The following CD96 variants were observed in gnomAD, a reference collection of about 807,000 sequenced individuals.
CD96 encodes T-cell surface protein tactile.
In CD96, 70 loss-of-function variants were observed where a neutral mutation model predicts 71.3. The observed-to-expected ratio is 0.98, with a 90% confidence interval of 0.81 to 1.20. The LOEUF is 1.20. CD96 is among the 50% of genes most tolerant of loss of function. CD96 has a pLI of 0.00. For synonymous variants in CD96, 248 were observed against 233.0 expected, an observed-to-expected ratio of 1.06 and a Z score of -0.59; for missense variants, 742 against 677.5, an observed-to-expected ratio of 1.10 and a Z score of -1.06.
At chr3:111,558,863 T>A (rs902450862) in intron 2 of CD96, among the ~76,000 whole-genome samples, 18 of 151,738 alleles carry the variant, frequency 1.2e-4, no homozygotes, top group African/African-American at 4.1e-4. Flanking sequence ...GGTAAACTAT[T>A]GACTATTGCC....
chr3:111,665,189 G>A (rs1318169886), intron 14 of CD96, among the ~76,000 whole-genome samples: 2 of 151,984 alleles, frequency 1.3e-5, no homozygotes, highest in Non-Finnish European at 2.9e-5. Flanking sequence ...GTGTGTGTGT[G>A]TGTGTATGTG....
chr3:111,659,033 A>G (rs1940295756), intron 14 of CD96, among the ~76,000 whole-genome samples: 1 of 152,170 alleles, frequency 6.6e-6, no homozygotes, highest in African/African-American at 2.4e-5. Context: ...TTTGCTTTGT[A>G]GGTTCTTTGT....
intron 2 of CD96, among the ~76,000 whole-genome samples, chr3:111,551,653 AT>A (rs1934711834): frequency 6.6e-6 from 1 of 152,102 alleles, no homozygotes; most frequent in Admixed American, 6.6e-5. Context: ...TGCACAGATC[AT>A]TCCATCACCC....
At chr3:111,614,041 G>A (rs1416308022) in intron 8 of CD96, among the ~76,000 whole-genome samples, 1 of 152,094 alleles carries the variant, frequency 6.6e-6, no homozygotes, top group Non-Finnish European at 1.5e-5. Flanking sequence ...GGCTTTTTTG[G>A]TGATTTCCAT....
At chr3:111,613,899 T>C (rs1263908696) in intron 8 of CD96, among the ~76,000 whole-genome samples, 4 of 152,228 alleles carry the variant, frequency 2.6e-5, no homozygotes, top group Admixed American at 6.5e-5. Context: ...CCTTTGTACT[T>C]GGTTGATTAA....
At chr3:111,625,658 C>T (rs1211016672) in intron 10 of CD96, among the ~76,000 whole-genome samples, 2 of 152,026 alleles carry the variant, frequency 1.3e-5, no homozygotes, top group Non-Finnish European at 2.9e-5. Flanking sequence ...AAAAGCAAAA[C>T]ATTAAAACAT....
rs573604364 is a variant in CD96 at position 111,545,222 on chromosome 3, G to C, written c.238G>C (p.Ala80Pro). 6.2e-7 allele frequency: 1 copy of C among 1,614,178 alleles called. No individual in the cohort carries two copies. Among genetic ancestry groups the C allele is most frequent in the Non-Finnish European group, 8.5e-7 (1 of 1,180,028 alleles). Residue 80 changes from alanine (A) to proline (P), a missense_variant, in exon 2 of 14, where the codon GCC becomes CCC. Ala to Pro is a conservative substitution (Grantham distance 27). Transcript: ENST00000352690. ...VYHPQYGFYCAYGRPCESLVT... is the reference protein window; with the variant it reads ...VYHPQYGFYCPYGRPCESLVT... ...TCATCCCCAATACGGCTTCTACTGTGCCTATGGGAGACCCTGTGAGTCACT... is the reference window on the plus strand; with the variant it reads ...TCATCCCCAATACGGCTTCTACTGTCCCTATGGGAGACCCTGTGAGTCACT...
At chr3:111,591,368 T>TC (rs376059186) in intron 5 of CD96, among the ~76,000 whole-genome samples, 2,903 of 53,860 alleles carry the variant, frequency 0.054, 110 homozygotes, top group East Asian at 0.14. Context: ...TGAGACTCCA[T>TC]CTTAAAAAAA....
intron 12 of CD96, among the ~76,000 whole-genome samples, chr3:111,642,830 A>T (rs746471330): frequency 6.6e-6 from 1 of 152,098 alleles, no homozygotes; most frequent in South Asian, 2.1e-4. Flanking sequence ...TAAATAAAAG[A>T]AAAATTACCG....
intron 9 of CD96, 86 bp downstream of exon 9, chr3:111,623,908 C>A: frequency 1.1e-6 from 1 of 873,746 alleles, no homozygotes; most frequent in East Asian, 2.4e-5. Flanking sequence ...GTTGACGTTT[C>A]AGCAAACAGC....
chr3:111,583,953 C>T (rs996028069), intron 4 of CD96, among the ~76,000 whole-genome samples: 1 of 152,350 alleles, frequency 6.6e-6, no homozygotes, highest in Non-Finnish European at 1.5e-5. Flanking sequence ...CGGCAGCCAG[C>T]TTGAATTTCT....
At chr3:111,584,631 G>A (rs62275480) in intron 4 of CD96, among the ~76,000 whole-genome samples, 9,625 of 152,200 alleles carry the variant, frequency 0.063, 333 homozygotes, top group South Asian at 0.089. Context: ...AGAAAAATGG[G>A]GAGAAGCAAA....
intron 8 of CD96, among the ~76,000 whole-genome samples, chr3:111,620,092 A>AT (rs2107701898): frequency 6.6e-6 from 1 of 152,318 alleles, no homozygotes; most frequent in South Asian, 2.1e-4. Context: ...TTGCATGGCT[A>AT]TGCCCTCTGC....
In CD96 at chr3:111,649,726, C is replaced by G; in HGVS notation, c.1630C>G (p.Pro544Ala). ...GGAAAGACCTCCACCTTTCAAGCCACCACCACCTCCCATCAAGTACACTTG... is the reference window on the plus strand; with the variant it reads ...GGAAAGACCTCCACCTTTCAAGCCAGCACCACCTCCCATCAAGTACACTTG... ...IMERPPPFKPPPPPIKYTCIQ... is the reference protein window; with the variant it reads ...IMERPPPFKPAPPPIKYTCIQ... Residue 544 changes from proline (P) to alanine (A), a missense_variant, in exon 14 of 14, where the codon CCA (proline) becomes GCA (alanine). Physicochemically the swap from Pro to Ala is conservative, Grantham distance 27. Coordinates refer to ENST00000352690, the MANE Select transcript of CD96 (RefSeq NM_005816.5). 1 of 1,613,904 alleles carries G rather than the reference C, an allele frequency of 6.2e-7. No homozygotes were observed. The highest frequency in any genetic ancestry group is 8.5e-7 in the Non-Finnish European group (1 of 1,179,724).
intron 12 of CD96, among the ~76,000 whole-genome samples, chr3:111,645,167 T>C (rs1939770562): frequency 6.6e-6 from 1 of 152,104 alleles, no homozygotes; most frequent in Non-Finnish European, 1.5e-5. Context: ...TATATATATA[T>C]GCACTATGGA....
At chr3:111,589,014 G>C (rs530835381) in intron 5 of CD96, among the ~76,000 whole-genome samples, 5 of 148,052 alleles carry the variant, frequency 3.4e-5, no homozygotes, top group African/African-American at 7.5e-5. Flanking sequence ...CCAGTGCCGC[G>C]ATCTCTGCTC....
At chr3:111,560,279 A>G (rs2107522909) in intron 2 of CD96, among the ~76,000 whole-genome samples, 1 of 151,974 alleles carries the variant, frequency 6.6e-6, no homozygotes, top group Non-Finnish European at 1.5e-5. Flanking sequence ...TTTGCTCGTT[A>G]GTTGACACAG....
At chr3:111,647,829 G>A (rs1247522110) in intron 13 of CD96, among the ~76,000 whole-genome samples, 163 bp downstream of exon 13, 1 of 152,140 alleles carries the variant, frequency 6.6e-6, no homozygotes, top group Non-Finnish European at 1.5e-5. Flanking sequence ...GCATTACATA[G>A]TTGGGATTAA....
At chr3:111,632,316 GAACA>G (rs1939106961) in intron 10 of CD96, among the ~76,000 whole-genome samples, 1 of 152,074 alleles carries the variant, frequency 6.6e-6, no homozygotes. Context: ...CAAAGGACAT[GAACA>G]GACAGTTCTC....
Sources: gnomAD v4.1 joint callset for allele counts (sites outside exome capture counted in the v4.1 genomes callset) on GRCh38, gnomAD v4.1.1 for gene constraint, MANE v1.5 for transcripts, NCBI Gene and HGNC (gene_info 2026-07-23, HGNC 2026-07-21) for gene names.